Variants in SLC44A5 observed in about 807,000 individuals in gnomAD.
The protein encoded by SLC44A5 is choline transporter-like protein 5.
Under a neutral mutation model 101.8 loss-of-function variants are expected in SLC44A5, and 57 were observed. The ratio of observed to expected loss-of-function variants is 0.56; its 90% CI spans 0.45 to 0.70. The LOEUF (loss-of-function observed/expected upper bound fraction) is 0.70. Ranked by LOEUF, SLC44A5 falls within the 30% of genes least tolerant of loss-of-function variation. The pLI, the probability that SLC44A5 is intolerant of heterozygous loss-of-function variation, is 0.00. For missense variants in SLC44A5, 737 were observed against 853.1 expected (o/e 0.86, Z 1.70); for synonymous variants, 281 against 290.9 (o/e 0.97, Z 0.35).
intron 3 of SLC44A5, among the ~76,000 whole-genome samples, chr1:75,356,209 C>CAAAA (rs35660365): frequency 1.0e-3 from 76 of 75,974 alleles, no homozygotes; most frequent in Admixed American, 1.3e-3. Flanking sequence ...AAGACTGCCT[C>CAAAA]AAAAAAAAAA....
At chr1:75,399,731 A>G (rs1044036148) in intron 2 of SLC44A5, among the ~76,000 whole-genome samples, 2 of 152,226 alleles carry the variant, frequency 1.3e-5, no homozygotes, top group Non-Finnish European at 2.9e-5. Context: ...TCTGGAAGGA[A>G]ATATAAGAAC....
At chr1:75,462,229 A>G (rs375409437) in intron 2 of SLC44A5, among the ~76,000 whole-genome samples, 51 of 152,324 alleles carry the variant, frequency 3.3e-4, no homozygotes, top group Non-Finnish European at 5.6e-4. Flanking sequence ...AGGGAAGAGA[A>G]CAAGAGTCTG....
chr1:75,206,619 C>T, intron 23 of SLC44A5: 1 of 1,606,520 alleles, frequency 6.2e-7, no homozygotes, highest in Non-Finnish European at 8.5e-7. Context: ...ACTCTTTCTG[C>T]TTCTGGGGAA....
At chr1:75,335,722 T>G (rs1333884277) in intron 4 of SLC44A5, among the ~76,000 whole-genome samples, 3 of 152,244 alleles carry the variant, frequency 2.0e-5, no homozygotes, top group Non-Finnish European at 4.4e-5. Flanking sequence ...GGTGACTATC[T>G]ACATCTGTGC....
At chr1:75,492,920 T>C (rs1419416063) in intron 2 of SLC44A5, among the ~76,000 whole-genome samples, 2 of 152,176 alleles carry the variant, frequency 1.3e-5, no homozygotes, top group Non-Finnish European at 2.9e-5. Flanking sequence ...ATGTCCAAAG[T>C]TGGAACAAAA....
At chr1:75,258,216 C>T (rs11162944) in intron 6 of SLC44A5, among the ~76,000 whole-genome samples, 52,214 of 151,786 alleles carry the variant, frequency 0.34, 10,648 homozygotes, top group East Asian at 0.9. Flanking sequence ...AGAAAGGGGG[C>T]TGAAGCCAGG....
chr1:75,241,922 C>G, intron 9 of SLC44A5, 79 bp downstream of exon 9: 1 of 1,278,704 alleles, frequency 7.8e-7, no homozygotes, highest in Non-Finnish European at 1.1e-6. Flanking sequence ...TCAGTCTCAT[C>G]AATTGTGAAA....
chr1:75,648,127 G>C, the SLC44A5 span, among the ~76,000 whole-genome samples: 5 of 152,124 alleles, frequency 3.3e-5, no homozygotes, highest in Non-Finnish European at 5.9e-5. Flanking sequence ...TAGATCATGG[G>C]AACAATTCCA....
upstream of SLC44A5, chr1:75,611,213 A>G (rs774283543): frequency 4.8e-6 from 2 of 413,426 alleles, no homozygotes; most frequent in Non-Finnish European, 6.5e-6. Context: ...TAGCCTTGCT[A>G]GCCTCAAAGG....
At chr1:75,223,750 C>T (rs927429119) in intron 13 of SLC44A5, among the ~76,000 whole-genome samples, 2 of 152,122 alleles carry the variant, frequency 1.3e-5, no homozygotes, top group African/African-American at 4.8e-5. Context: ...AGAAGTTCAC[C>T]CAGAGGTATA....
chr1:75,328,028 G>A (rs1220394547), intron 4 of SLC44A5, among the ~76,000 whole-genome samples: 1 of 152,202 alleles, frequency 6.6e-6, no homozygotes, highest in Admixed American at 6.5e-5. Flanking sequence ...CCATCTCCAG[G>A]CTGGTTACAT....
chr1:75,690,189 T>C, the SLC44A5 span, among the ~76,000 whole-genome samples: 806 of 152,280 alleles, frequency 5.3e-3, 7 homozygotes, highest in African/African-American at 0.019. Flanking sequence ...TCTGCATGAC[T>C]GGTGAGGCCT....
chr1:75,674,074 C>A, the SLC44A5 span, among the ~76,000 whole-genome samples: 2 of 151,918 alleles, frequency 1.3e-5, no homozygotes, highest in African/African-American at 4.8e-5. Flanking sequence ...AAGAAGACAC[C>A]AGGCACCAGT....
At chr1:75,210,730 T>G (rs1646836652) in intron 23 of SLC44A5, among the ~76,000 whole-genome samples, 1 of 152,158 alleles carries the variant, frequency 6.6e-6, no homozygotes, top group African/African-American at 2.4e-5. Context: ...AACAAAATAA[T>G]TTCATGCTAA....
At chr1:75,365,071 G>T (rs998849757) in intron 3 of SLC44A5, among the ~76,000 whole-genome samples, 4 of 152,126 alleles carry the variant, frequency 2.6e-5, no homozygotes, top group African/African-American at 4.8e-5. Flanking sequence ...TTTTATGAAG[G>T]TTATGTGGTT....
intron 3 of SLC44A5, among the ~76,000 whole-genome samples, chr1:75,348,587 A>G (rs917505991): frequency 1.9e-4 from 29 of 152,170 alleles, no homozygotes; most frequent in Non-Finnish European, 8.8e-5. Context: ...CTCCTAGAAA[A>G]CTGACAGATT....
chr1:75,535,815 C>CT (rs1204750630), intron 2 of SLC44A5, among the ~76,000 whole-genome samples: 1 of 152,022 alleles, frequency 6.6e-6, no homozygotes, highest in Admixed American at 6.6e-5. Flanking sequence ...GAAAAGAGTA[C>CT]AAGTACCCCA....
chr1:75,525,802 C>T (rs1192234288), intron 2 of SLC44A5, among the ~76,000 whole-genome samples: 1 of 152,028 alleles, frequency 6.6e-6, no homozygotes, highest in South Asian at 2.1e-4. Context: ...ATGTCTGCAA[C>T]ATATTTTCAA....
upstream of SLC44A5, among the ~76,000 whole-genome samples, chr1:75,615,163 C>T (rs1675815150): frequency 6.6e-6 from 1 of 152,026 alleles, no homozygotes; most frequent in African/African-American, 2.4e-5. Context: ...AAAGGAGCAA[C>T]AGGGAGACTG....
Sources: allele counts gnomAD v4.1 joint callset (sites outside exome capture counted in the v4.1 genomes callset), GRCh38; gene constraint gnomAD v4.1.1; transcripts MANE v1.5; gene names NCBI Gene and HGNC (gene_info 2026-07-23, HGNC 2026-07-21).